Variants in RAD54B observed in about 807,000 individuals in gnomAD.
RAD54B encodes the protein DNA repair and recombination protein RAD54B.
In RAD54B, 78 loss-of-function variants were observed where a neutral mutation model predicts 95.8. The ratio of observed to expected loss-of-function variants is 0.81; its 90% CI spans 0.68 to 0.98. The LOEUF (loss-of-function observed/expected upper bound fraction) is 0.98, where lower values mean the gene tolerates loss of function less well. Ranked by LOEUF, RAD54B falls within the 50% of genes least tolerant of loss-of-function variation. The pLI, the probability that RAD54B is intolerant of heterozygous loss-of-function variation, is 0.00. For missense variants in RAD54B, 957 were observed against 1,056.6 expected (o/e 0.91, Z 1.31); for synonymous variants, 328 against 354.9 (o/e 0.92, Z 0.85).
chr8:94,432,308 C>T (rs1812120577), intron 3 of RAD54B: 1 of 1,550,148 alleles, frequency 6.5e-7, no homozygotes, highest in Admixed American at 2.0e-5. Context: ...TCTGATGCTC[C>T]TCTTTCAACA....
intron 3 of RAD54B, among the ~76,000 whole-genome samples, chr8:94,448,801 G>A (rs546471795): frequency 9.2e-5 from 14 of 152,080 alleles, no homozygotes; most frequent in African/African-American, 2.9e-4. Context: ...CGGGAGATAC[G>A]CGTCAGAGGA....
intron 3 of RAD54B, among the ~76,000 whole-genome samples, chr8:94,439,819 GTTTTA>G (rs1812357879): frequency 6.6e-6 from 1 of 152,222 alleles, no homozygotes; most frequent in Non-Finnish European, 1.5e-5. Flanking sequence ...TAGGCACCAA[GTTTTA>G]TTGTGCAGAG....
chr8:94,462,091 T>A (rs1027171365), intron 2 of RAD54B, among the ~76,000 whole-genome samples: 3 of 152,174 alleles, frequency 2.0e-5, no homozygotes, highest in Admixed American at 1.3e-4. Context: ...TTGCTGAATA[T>A]CCCTCAATCT....
At chr8:94,436,088 ACTG>A (rs1417298769) in intron 3 of RAD54B, among the ~76,000 whole-genome samples, 1 of 152,104 alleles carries the variant, frequency 6.6e-6, no homozygotes, top group East Asian at 1.9e-4. Flanking sequence ...TTCTCTAGAA[ACTG>A]CTAACTTTAT....
chr8:94,412,003 T>C (rs1308799241), intron 3 of RAD54B, among the ~76,000 whole-genome samples: 1 of 152,132 alleles, frequency 6.6e-6, no homozygotes, highest in Non-Finnish European at 1.5e-5. Flanking sequence ...AAATTTCGGA[T>C]CCTTTGACCA....
At chr8:94,434,833 T>C (rs897870291) in intron 3 of RAD54B, among the ~76,000 whole-genome samples, 1 of 151,658 alleles carries the variant, frequency 6.6e-6, no homozygotes. Flanking sequence ...GCCATAGGTA[T>C]AGAAATGTAC....
At chr8:94,387,259 G>T in intron 10 of RAD54B, 100 bp from the exon 11 acceptor site, 2 of 1,001,376 alleles carry the variant, frequency 2.0e-6, no homozygotes, top group East Asian at 2.6e-5. Context: ...AAGATTAACG[G>T]CTATCTGAAA....
intron 5 of RAD54B, 130 bp from the exon 6 acceptor site, chr8:94,404,369 C>A: frequency 1.3e-6 from 1 of 785,102 alleles, no homozygotes; most frequent in Non-Finnish European, 1.9e-6. Context: ...AATTTAGTCA[C>A]AGTAATGTTA....
intron 3 of RAD54B, among the ~76,000 whole-genome samples, chr8:94,424,852 A>C (rs1223550438): frequency 6.6e-6 from 1 of 152,120 alleles, no homozygotes; most frequent in Non-Finnish European, 1.5e-5. Context: ...ACTCAAGCCC[A>C]GGAGTTCAAG....
intron 3 of RAD54B, among the ~76,000 whole-genome samples, chr8:94,412,499 G>A (rs187628988): frequency 2.6e-5 from 4 of 151,508 alleles, no homozygotes; most frequent in Admixed American, 2.0e-4. Flanking sequence ...AAATTACGTT[G>A]TCTCCTGCTT....
At chr8:94,464,500 C>A (rs1654371687) in intron 2 of RAD54B, among the ~76,000 whole-genome samples, 1 of 152,124 alleles carries the variant, frequency 6.6e-6, no homozygotes, top group African/African-American at 2.4e-5. Context: ...TTGTTTTAAG[C>A]CATTAGATTT....
chr8:94,391,475 C>T (rs764246274), intron 10 of RAD54B, 134 bp downstream of exon 10: 2 of 831,050 alleles, frequency 2.4e-6, no homozygotes, highest in Non-Finnish European at 1.8e-6. Context: ...ACAGCAGAAC[C>T]ATACTAGATA....
rs1183212000 is a variant in RAD54B, at chr8:94,404,187, C to CTTATTGAATACCCACTGGTGA, written c.813_833dup (p.Asn271_Asn277dup). ...CTACATCCACAAGAGGGAAACAGTT[C>CTTATTGAATACCCACTGGTGA]TTATTGAATACCCACTGGTGATTCT... On this transcript the variant is annotated inframe_insertion, in exon 6 of 15. Coordinates refer to ENST00000336148, the MANE Select transcript of RAD54B (RefSeq NM_012415.3). 1.2e-6 allele frequency: 2 copies of CTTATTGAATACCCACTGGTGA among 1,611,068 alleles called. No individual in the cohort carries two copies. Among genetic ancestry groups the CTTATTGAATACCCACTGGTGA allele is most frequent in the East Asian group, 4.5e-5 (2 of 44,764 alleles).
At chr8:94,408,544 G>T (rs1297180665) in intron 4 of RAD54B, among the ~76,000 whole-genome samples, 1 of 152,044 alleles carries the variant, frequency 6.6e-6, no homozygotes, top group African/African-American at 2.4e-5. Context: ...AAAATATGAT[G>T]ACCCTTTTCA....
intron 3 of RAD54B, chr8:94,436,580 T>C (rs1346192412): frequency 1.3e-6 from 2 of 1,550,428 alleles, no homozygotes; most frequent in Non-Finnish European, 1.7e-6. Context: ...GGCTCAGAAA[T>C]ATTGCTTTTA....
At chr8:94,428,695 A>G in intron 3 of RAD54B, 2 of 906,630 alleles carry the variant, frequency 2.2e-6, no homozygotes, top group Non-Finnish European at 2.6e-6. Context: ...CAGTAGTTCA[A>G]TCTGCAGATG....
rs1447371288 is a variant in RAD54B at position 94,393,813 on chromosome 8, C to A, written c.1448G>T (p.Gly483Val). The A allele has an allele frequency of 6.3e-7, 1 of 1,585,538 alleles. No individual in the cohort carries two copies. Among genetic ancestry groups the A allele is most frequent in the Non-Finnish European group, 8.7e-7 (1 of 1,156,002 alleles). ...LIDFVNPGIL[G>V]SLSSYRKIYE... ...TATTTTCCTATAAGATGACAAAGAGCCTAATATTCCTGGATTTACAAAATC... is the reference window on the plus strand; with the variant it reads ...TATTTTCCTATAAGATGACAAAGAGACTAATATTCCTGGATTTACAAAATC... Residue 483 changes from glycine (G) to valine (V), a missense_variant, in exon 9 of 15, where the codon GGC (glycine) becomes GTC (valine). Transcript: ENST00000336148.
intron 14 of RAD54B, among the ~76,000 whole-genome samples, chr8:94,375,628 G>A (rs796845162): frequency 1.3e-5 from 2 of 152,208 alleles, no homozygotes; most frequent in African/African-American, 4.8e-5. Context: ...GACTAATATA[G>A]TGGGGGATAA....
At chr8:94,396,064 A>G (rs749794727) in intron 8 of RAD54B, among the ~76,000 whole-genome samples, 7 of 152,122 alleles carry the variant, frequency 4.6e-5, no homozygotes, top group Non-Finnish European at 1.0e-4. Flanking sequence ...AAAAGGATTT[A>G]GGGCAGAAAA....
Sources: gnomAD v4.1 joint callset for allele counts (sites outside exome capture counted in the v4.1 genomes callset) on GRCh38, gnomAD v4.1.1 for gene constraint, MANE v1.5 for transcripts, NCBI Gene and HGNC (gene_info 2026-07-23, HGNC 2026-07-21) for gene names.